Variants in ARL15 observed in about 807,000 individuals in gnomAD.
ARL15 encodes the protein ARF like GTPase 15, also known as ADP-ribosylation factor-like protein 15.
In ARL15, 19 loss-of-function variants were observed where a neutral mutation model predicts 25.2. The observed-to-expected ratio is 0.75, with a 90% CI of 0.53 to 1.10. The LOEUF (loss-of-function observed/expected upper bound fraction) is 1.10. Ranked by LOEUF, ARL15 falls within the 50% of genes least tolerant of loss-of-function variation. The pLI is 0.00. For missense variants in ARL15, 220 were observed against 246.0 expected (o/e 0.89, Z 0.71); for synonymous variants, 94 against 86.8 (o/e 1.08, Z -0.46).
intron 3 of ARL15, among the ~76,000 whole-genome samples, chr5:54,147,632 T>G (rs996253950): frequency 6.6e-6 from 1 of 152,212 alleles, no homozygotes; most frequent in African/African-American, 2.4e-5. Flanking sequence ...GAGCCCTTCT[T>G]CTGTGCTGTC....
intron 1 of ARL15, among the ~76,000 whole-genome samples, chr5:54,222,631 G>A (rs1286684630): frequency 6.6e-6 from 1 of 152,150 alleles, no homozygotes; most frequent in Admixed American, 6.5e-5. Flanking sequence ...GGGGTGAGGG[G>A]AGGAGCAAGG....
At chr5:54,055,514 A>G (rs1478165794) in intron 4 of ARL15, among the ~76,000 whole-genome samples, 1 of 151,784 alleles carries the variant, frequency 6.6e-6, no homozygotes, top group African/African-American at 2.4e-5. Context: ...GCATATGTCA[A>G]CAAGTCCAGC....
At chr5:54,113,173 C>T in intron 4 of ARL15, 29 bp downstream of exon 4, 1 of 1,606,856 alleles carries the variant, frequency 6.2e-7, no homozygotes, top group East Asian at 2.2e-5. Flanking sequence ...GCAAGGAAGA[C>T]AAAGAGTTGT....
rs1753301661 is a variant in ARL15 at position 54,127,612 on chromosome 5, C to A, written c.254-14202G>T. Among the ~76,000 whole-genome samples, 3 of 151,886 alleles carry A rather than the reference C, an allele frequency of 2.0e-5. No individual in the cohort carries two copies. In the South Asian group the frequency reaches 6.3e-4, roughly 32 times the overall value. ...TACTGCCCAAGGTAATTTATAGATT[C>A]AATGCCATCCCCATCAAGCTACCAA... On this transcript the variant is annotated intron_variant, in intron 3 of 4. Coordinates refer to ENST00000504924, the MANE Select transcript of ARL15 (RefSeq NM_019087.3).
At chr5:53,904,268 T>C (rs763510550) in intron 4 of ARL15, among the ~76,000 whole-genome samples, 5 of 152,214 alleles carry the variant, frequency 3.3e-5, no homozygotes, top group Middle Eastern at 3.2e-3. Flanking sequence ...CCCTGAATGA[T>C]GGTAATTACC....
At chr5:54,012,023 T>C (rs1204784443) in intron 4 of ARL15, among the ~76,000 whole-genome samples, 1 of 151,834 alleles carries the variant, frequency 6.6e-6, no homozygotes. Flanking sequence ...AAAAAGAGCA[T>C]AAATGTTTAA....
intron 1 of ARL15, among the ~76,000 whole-genome samples, chr5:54,239,062 C>T (rs1756884767): frequency 6.6e-6 from 1 of 152,124 alleles, no homozygotes; most frequent in Admixed American, 6.5e-5. Context: ...TCCTCTGACT[C>T]TACAATCAAA....
chr5:54,002,594 G>A (rs900444611), intron 4 of ARL15, among the ~76,000 whole-genome samples: 5 of 152,064 alleles, frequency 3.3e-5, no homozygotes, highest in Non-Finnish European at 7.4e-5. Context: ...TAAACCTAGC[G>A]CACTGCCAAA....
At chr5:54,078,460 A>G (rs73112695) in intron 4 of ARL15, among the ~76,000 whole-genome samples, 40,743 of 152,106 alleles carry the variant, frequency 0.27, 7,022 homozygotes, top group African/African-American at 0.49. Flanking sequence ...GAAGCTCAGT[A>G]ACTCCTTCGG....
intron 4 of ARL15, among the ~76,000 whole-genome samples, chr5:53,919,945 A>G (rs1052010325): frequency 1.6e-4 from 24 of 152,184 alleles, no homozygotes; most frequent in African/African-American, 3.9e-4. Flanking sequence ...ATTTTTTAAA[A>G]TAAGGGAATA....
intron 1 of ARL15, among the ~76,000 whole-genome samples, chr5:54,192,814 C>A (rs954979525): frequency 8.5e-5 from 13 of 152,122 alleles, no homozygotes; most frequent in African/African-American, 2.9e-4. Flanking sequence ...AGGAGGTAAG[C>A]AACTAAGATG....
chr5:54,198,454 G>T (rs1435761222), intron 1 of ARL15, among the ~76,000 whole-genome samples: 1 of 150,552 alleles, frequency 6.6e-6, no homozygotes, highest in Non-Finnish European at 1.5e-5. Context: ...AAAGTCTCAG[G>T]ATACAAAATC....
chr5:53,890,424 T>C (rs923582470), intron 4 of ARL15, among the ~76,000 whole-genome samples: 18 of 152,238 alleles, frequency 1.2e-4, no homozygotes, highest in African/African-American at 4.1e-4. Flanking sequence ...TAAAAATGAC[T>C]GAAGAGAACA....
chr5:54,072,939 C>T (rs1751472698), intron 4 of ARL15, among the ~76,000 whole-genome samples: 1 of 152,128 alleles, frequency 6.6e-6, no homozygotes, highest in South Asian at 2.1e-4. Flanking sequence ...CCTTGAAATA[C>T]ATATGGCCCT....
At chr5:54,221,280 T>C (rs1756366866) in intron 1 of ARL15, among the ~76,000 whole-genome samples, 1 of 152,210 alleles carries the variant, frequency 6.6e-6, no homozygotes, top group African/African-American at 2.4e-5. Context: ...ATGATGACTT[T>C]GCTTTAATAG....
At chr5:54,251,133 G>GC (rs1273755103) in intron 1 of ARL15, among the ~76,000 whole-genome samples, 22 of 121,132 alleles carry the variant, frequency 1.8e-4, no homozygotes, top group African/African-American at 4.8e-4. Context: ...TCACTTGAAA[G>GC]CCCCTCCCCT....
chr5:54,278,968 C>T (rs1296680282), intron 1 of ARL15, among the ~76,000 whole-genome samples: 1 of 152,192 alleles, frequency 6.6e-6, no homozygotes, highest in East Asian at 1.9e-4. Flanking sequence ...GTCTTGCTCA[C>T]TTCAGATATG....
intron 4 of ARL15, among the ~76,000 whole-genome samples, chr5:53,998,283 G>GA (rs11287179): frequency 0.023 from 2,633 of 116,448 alleles, 34 homozygotes; most frequent in Middle Eastern, 0.026. Flanking sequence ...GGGACATCAG[G>GA]AAAAAAAAAA....
intron 3 of ARL15, among the ~76,000 whole-genome samples, chr5:54,141,190 T>A: frequency 6.6e-6 from 1 of 152,172 alleles, no homozygotes; most frequent in East Asian, 1.9e-4. Flanking sequence ...GACAGATCAA[T>A]CTGTCTTCTC....
Sources: allele counts gnomAD v4.1 joint callset (sites outside exome capture counted in the v4.1 genomes callset), GRCh38; gene constraint gnomAD v4.1.1; transcripts MANE v1.5; gene names NCBI Gene and HGNC (gene_info 2026-07-23, HGNC 2026-07-21).